SBSPON: variants seen among roughly 807,000 people sequenced by gnomAD.
SBSPON encodes the protein somatomedin B and thrombospondin type 1 domain containing, also known as somatomedin-B and thrombospondin type-1 domain-containing protein.
A neutral mutation model predicts 35.8 loss-of-function variants in SBSPON; 30 were observed. That is an observed-to-expected ratio of 0.84 (90% CI 0.63 to 1.14). The LOEUF (loss-of-function observed/expected upper bound fraction) is 1.14, where lower values mean the gene tolerates loss of function less well. SBSPON is among the 50% of genes most tolerant of loss of function. The pLI is 0.00. For synonymous variants in SBSPON, 136 were observed against 135.9 expected (o/e 1.00, Z 0.00); for missense variants, 364 against 357.7 (o/e 1.02, Z -0.14).
Position 73,081,103 on chromosome 8 carries a change from C to T in SBSPON, c.325G>A (p.Gly109Arg), listed in dbSNP as rs1432621624. The T allele has an allele frequency of 3.1e-6, 5 of 1,613,390 alleles. No homozygotes were observed. Among genetic ancestry groups the T allele is most frequent in the East Asian group, 2.2e-5 (1 of 44,842 alleles). The change falls in exon 2 of 5, where the codon GGG becomes AGG. Residue 109 changes from glycine (G) to arginine (R), a missense_variant. Coordinates refer to ENST00000297354, the MANE Select transcript of SBSPON (RefSeq NM_153225.4). ...TCTTCCAGGGGTGGGCAGGGCGCCC[C>T]GCCGTTCTGAGGCTCCTGCTGCACC... Reference protein sequence around the residue: ...RSVQQEPQNGGAPCPPLEERA... With the variant: ...RSVQQEPQNGRAPCPPLEERA...
chr8:73,091,406 G>A (rs534662226), intron 1 of SBSPON, among the ~76,000 whole-genome samples: 2 of 152,322 alleles, frequency 1.3e-5, no homozygotes, highest in South Asian at 4.1e-4. Context: ...GTCCTAGAGA[G>A]CAGAGACTGC....
intron 2 of SBSPON, among the ~76,000 whole-genome samples, chr8:73,079,707 C>T (rs1214821811): frequency 2.0e-5 from 3 of 152,188 alleles, no homozygotes; most frequent in African/African-American, 7.2e-5. Flanking sequence ...CTCCCTGCAC[C>T]TCTCACTCGT....
At chr8:73,075,911 T>A (rs1007422060) in intron 2 of SBSPON, among the ~76,000 whole-genome samples, 1 of 152,240 alleles carries the variant, frequency 6.6e-6, no homozygotes, top group African/African-American at 2.4e-5. Flanking sequence ...TAAATTTGTT[T>A]TTATAATAAA....
chr8:73,078,726 C>T (rs929385424), intron 2 of SBSPON, among the ~76,000 whole-genome samples: 12 of 152,234 alleles, frequency 7.9e-5, no homozygotes, highest in Admixed American at 5.9e-4. Flanking sequence ...AGTGACTGAG[C>T]GTAATTTTGT....
At chr8:73,068,356 C>T (rs1810431647) in intron 4 of SBSPON, among the ~76,000 whole-genome samples, 1 of 152,152 alleles carries the variant, frequency 6.6e-6, no homozygotes, top group Non-Finnish European at 1.5e-5. Flanking sequence ...GACTAATAAA[C>T]ATAAATTCTA....
At chr8:73,075,738 A>G (rs919901949) in intron 2 of SBSPON, 13 of 920,394 alleles carry the variant, frequency 1.4e-5, no homozygotes, top group Non-Finnish European at 1.7e-5. Flanking sequence ...GCCTGGGATC[A>G]CTGGTCTATA....
chr8:73,081,908 AGT>A (rs1296864685), intron 1 of SBSPON, among the ~76,000 whole-genome samples: 1 of 152,212 alleles, frequency 6.6e-6, no homozygotes, highest in Non-Finnish European at 1.5e-5. Flanking sequence ...ATGAAAAGGC[AGT>A]GTCAGGCCAA....
chr8:73,067,511 G>A, intron 4 of SBSPON, 53 bp from the exon 5 acceptor site: 1 of 1,110,494 alleles, frequency 9.0e-7, no homozygotes, highest in Non-Finnish European at 1.4e-6. Context: ...CCGAAGAAAG[G>A]TCTAATTTAC....
intron 1 of SBSPON, among the ~76,000 whole-genome samples, chr8:73,087,970 CT>C (rs1188492981): frequency 2.6e-5 from 4 of 152,218 alleles, no homozygotes; most frequent in Admixed American, 6.5e-5. Flanking sequence ...CCCTACTCTA[CT>C]TTTCCCCATC....
At chr8:73,073,063 CTG>C (rs1810528222) in intron 2 of SBSPON, among the ~76,000 whole-genome samples, 1 of 152,212 alleles carries the variant, frequency 6.6e-6, no homozygotes, top group African/African-American at 2.4e-5. Context: ...TGGACTGACT[CTG>C]TTGTCATCTT....
intron 4 of SBSPON, among the ~76,000 whole-genome samples, 175 bp downstream of exon 4, chr8:73,069,630 G>A (rs892928534): frequency 3.3e-5 from 5 of 152,118 alleles, no homozygotes; most frequent in African/African-American, 9.7e-5. Context: ...GTTCCATAGT[G>A]GGAACTGGAG....
At chr8:73,077,055 T>C (rs561437571) in intron 2 of SBSPON, among the ~76,000 whole-genome samples, 1 of 152,294 alleles carries the variant, frequency 6.6e-6, no homozygotes, top group African/African-American at 2.4e-5. Context: ...TACAGGTATA[T>C]GCCACCACAC....
chr8:73,082,777 A>G (rs906598935), intron 1 of SBSPON, among the ~76,000 whole-genome samples: 51 of 152,198 alleles, frequency 3.4e-4, no homozygotes, highest in Non-Finnish European at 6.9e-4. Flanking sequence ...AAAGCATTTA[A>G]AGAGATCTCC....
chr8:73,079,154 C>T (rs1175893873), intron 2 of SBSPON, among the ~76,000 whole-genome samples: 1 of 152,172 alleles, frequency 6.6e-6, no homozygotes, highest in Non-Finnish European at 1.5e-5. Context: ...CCTGCCTGCA[C>T]ACCTGTGAAA....
intron 2 of SBSPON, among the ~76,000 whole-genome samples, chr8:73,075,338 G>C (rs1810573439): frequency 1.3e-5 from 2 of 152,174 alleles, no homozygotes; most frequent in African/African-American, 4.8e-5. Context: ...CTGCCTGGAG[G>C]TCCCAGAACC....
chr8:73,071,044 T>TG (rs1417680595), intron 3 of SBSPON, among the ~76,000 whole-genome samples: 1 of 152,174 alleles, frequency 6.6e-6, no homozygotes, highest in East Asian at 1.9e-4. Context: ...TTCATAGAGA[T>TG]GGGGTTCTCA....
Position 73,093,114 on chromosome 8 carries a change from A to G in SBSPON, c.-47T>C, listed in dbSNP as rs1336750097. 4 of 1,120,300 alleles carry G rather than the reference A, an allele frequency of 3.6e-6. No homozygotes were observed. The highest frequency in any genetic ancestry group is 4.6e-6 in the Non-Finnish European group (4 of 874,894). 69.4% of individuals were successfully genotyped at this position (1,120,300 alleles called of 1,614,324 possible). A position where few individuals can be genotyped will look rare whatever the true frequency, so the allele number is the denominator to read the frequency against. ...TGCGACGCGACAGACCCCCGGGGCA[A>G]GCGCTCTGATCCTCGGCTGGCCGCG... is the stretch of plus-strand genomic sequence containing the variant. On this transcript the variant is annotated 5_prime_UTR_variant, in exon 1 of 5. Transcript: ENST00000297354.
chr8:73,071,790 C>G lies in SBSPON; in HGVS notation c.490G>C (p.Glu164Gln), dbSNP rs1277885295. Residue 164 changes from glutamate (E) to glutamine (Q), a missense_variant, in exon 3 of 5, where the codon GAG becomes CAG. Physicochemically the swap from Glu to Gln is conservative, Grantham distance 29 (BLOSUM62 2). Coordinates refer to ENST00000297354, the MANE Select transcript of SBSPON (RefSeq NM_153225.4). ...ATSPHWSTHT[E>Q]DAGYCMEFKT... Reference sequence around the variant, plus strand: ...AAAACACGAAATTACCCAGCATCCTCTGTGTGTGTAGACCAGTGTGGAGAC... The same window carrying G: ...AAAACACGAAATTACCCAGCATCCTGTGTGTGTGTAGACCAGTGTGGAGAC... 7 of 1,594,220 alleles carry G rather than the reference C, an allele frequency of 4.4e-6. No individual in the cohort carries two copies. Among genetic ancestry groups the G allele is most frequent in the East Asian group, 2.2e-5 (1 of 44,740 alleles).
rs1810391159 is a variant in SBSPON, at chr8:73,066,607, A to G, written c.*734T>C. The G allele has an allele frequency of 6.6e-6, 1 of 152,162 alleles. No homozygotes were observed. Among genetic ancestry groups the G allele is most frequent in the African/African-American group, 2.4e-5 (1 of 41,424 alleles). The allele number at this position is 152,162 out of a possible 1,614,324, so 9.4% of individuals were successfully genotyped here. On this transcript the variant is annotated 3_prime_UTR_variant, in exon 5 of 5. Coordinates refer to ENST00000297354, the MANE Select transcript of SBSPON (RefSeq NM_153225.4). ...AATCTTAGATGCAAATGGTGGTAGA[A>G]TTTTCAGAATGAAAGCAATTGTTTC...
Sources: allele counts gnomAD v4.1 joint callset (sites outside exome capture counted in the v4.1 genomes callset), GRCh38; gene constraint gnomAD v4.1.1; transcripts MANE v1.5; gene names NCBI Gene and HGNC (gene_info 2026-07-23, HGNC 2026-07-21).